The following CNNM2 variants were observed in gnomAD, a reference collection of about 807,000 sequenced individuals.
The protein encoded by CNNM2 is cyclin and CBS domain divalent metal cation transport mediator 2.
Under a neutral mutation model 66.9 loss-of-function variants are expected in CNNM2, and 12 were observed. That is an observed-to-expected ratio of 0.18 (90% CI 0.11 to 0.29). The LOEUF (loss-of-function observed/expected upper bound fraction) is 0.29. Among genes scored for constraint, CNNM2 ranks in the 10% least tolerant of loss-of-function variants. CNNM2 has a pLI of 1.00. For missense variants in CNNM2, 705 were observed against 1,167.7 expected, an observed-to-expected ratio of 0.60 and a Z score of 5.77; for synonymous variants, 557 against 501.8, an observed-to-expected ratio of 1.11 and a Z score of -1.47.
Position 102,919,134 on chromosome 10 carries a change from G to C in CNNM2, c.654G>C (p.Ser218=). ...TGGAVGGKGG[S]GVAGLPPPPW... is the part of the protein sequence containing the mutation. ...GCGCCGTCGGGGGCAAGGGTGGCTC[G>C]GGGGTGGCCGGGCTCCCGCCGCCCC... The change falls in exon 1 of 8, where the codon TCG becomes TCC. Residue 218 remains serine (S), a synonymous_variant. Transcript: ENST00000369878. The C allele has an allele frequency of 6.2e-7, 1 of 1,609,572 alleles. No homozygotes were observed. Among genetic ancestry groups the C allele is most frequent in the Non-Finnish European group, 8.5e-7 (1 of 1,179,164 alleles).
At chr10:102,926,503 C>A (rs562547864) in intron 1 of CNNM2, among the ~76,000 whole-genome samples, 1 of 152,182 alleles carries the variant, frequency 6.6e-6, no homozygotes, top group African/African-American at 2.4e-5. Context: ...ACCAAGAAAA[C>A]CCACAAAACA....
At position 103,089,976 on chromosome 10, in the gene CNNM2, C is replaced by T. The variant is rs2066275972; in HGVS notation, c.*12796C>T. The T allele has an allele frequency of 7.7e-7, 1 of 1,305,572 alleles. No homozygotes were observed. The highest frequency in any genetic ancestry group is 2.4e-5 in the East Asian group (1 of 42,088). The allele number at this position is 1,305,572 out of a possible 1,614,324, so 80.9% of individuals were successfully genotyped here. ...AAGTAGCTACTCCCCAAATCCTAAC[C>T]CCTCTCCTCTGTTAGGTGGCCATGC... On this transcript the variant is annotated 3_prime_UTR_variant, in exon 8 of 8. Transcript: ENST00000369878.
chr10:102,920,191 A>G (rs1845569336), intron 1 of CNNM2, 90 bp downstream of exon 1: 2 of 1,609,924 alleles, frequency 1.2e-6, no homozygotes, highest in South Asian at 1.1e-5. Flanking sequence ...CCAACCCCCC[A>G]AGGCGAGTTG....
intron 1 of CNNM2, among the ~76,000 whole-genome samples, chr10:102,931,636 C>T (rs1437204492): frequency 1.3e-5 from 2 of 151,842 alleles, no homozygotes; most frequent in Non-Finnish European, 2.9e-5. Flanking sequence ...GGATTCCAGG[C>T]GTGAGTCACA....
intron 5 of CNNM2, among the ~76,000 whole-genome samples, chr10:103,070,245 A>G (rs2065552960): frequency 6.6e-6 from 1 of 152,204 alleles, no homozygotes; most frequent in South Asian, 2.1e-4. Context: ...TGAGAGAGAC[A>G]GGGTAGCTCT....
chr10:102,939,979 A>AAACAAAC (rs1554889955), intron 1 of CNNM2, among the ~76,000 whole-genome samples: 30 of 150,928 alleles, frequency 2.0e-4, no homozygotes, highest in African/African-American at 6.6e-4. Flanking sequence ...AAAAACAAAC[A>AAACAAAC]AACAACAACA....
At chr10:103,048,189 A>G (rs2065158406) in intron 1 of CNNM2, among the ~76,000 whole-genome samples, 1 of 149,572 alleles carries the variant, frequency 6.7e-6, no homozygotes, top group African/African-American at 2.5e-5. Context: ...GGCTGGGATT[A>G]CAAATGTGAG....
intron 1 of CNNM2, among the ~76,000 whole-genome samples, chr10:102,940,838 C>T (rs1333676658): frequency 6.6e-6 from 1 of 152,124 alleles, no homozygotes; most frequent in Non-Finnish European, 1.5e-5. Context: ...TTTCCTGCCT[C>T]AGCCTCCCAG....
At chr10:102,942,084 G>C (rs1846454950) in intron 1 of CNNM2, among the ~76,000 whole-genome samples, 1 of 152,182 alleles carries the variant, frequency 6.6e-6, no homozygotes. Context: ...TCCACTTCCA[G>C]AATGTGATCT....
intron 1 of CNNM2, among the ~76,000 whole-genome samples, chr10:102,988,169 G>T (rs1375847939): frequency 1.3e-5 from 2 of 152,066 alleles, no homozygotes; most frequent in South Asian, 2.1e-4. Context: ...GGGAGTGGTG[G>T]TGGGCGCCTG....
At chr10:103,064,321 CAT>C (rs1319975349) in intron 4 of CNNM2, among the ~76,000 whole-genome samples, 1 of 152,212 alleles carries the variant, frequency 6.6e-6, no homozygotes, top group East Asian at 1.9e-4. Flanking sequence ...TCTGAAATGA[CAT>C]ATTTTCTAAA....
chr10:102,918,604 C>T lies in CNNM2; in HGVS notation c.124C>T (p.Gln42Ter). Residue 42 changes from glutamine (Q) to a stop codon, truncating the protein, a stop_gained, in exon 1 of 8, where the codon CAG becomes TAG. Transcript: ENST00000369878. LOFTEE classifies it high-confidence loss of function. The surrounding 1 kb of genome is among the most constrained non-coding windows in gnomAD (Gnocchi z 4.1). ...CAGCGCTCGCGGCCGGGGGATCCTG[C>T]AGGCGGCTGCGGGGCGGCTGCTGCC... ...SLSARGRGIL[Q>*]AAAGRLLPLL... The T allele has an allele frequency of 6.4e-7, 1 of 1,556,494 alleles. No homozygotes were observed.
Position 102,918,395 on chromosome 10 carries a change from C to A in CNNM2, c.-86C>A, listed in dbSNP as rs931396715. On this transcript the variant is annotated 5_prime_UTR_variant, in exon 1 of 8. Coordinates refer to ENST00000369878, the MANE Select transcript of CNNM2 (RefSeq NM_017649.5). This position sits in a 1 kb window ranked among gnomAD's most constrained non-coding sequence, Gnocchi z 4.1. ...AACTGCTGAGCACTGGCCGCGGACG[C>A]TCCGTTGCAGTCTCGCCCAGGGGCC... 5 of 1,534,688 alleles carry A rather than the reference C, an allele frequency of 3.3e-6. No individual in the cohort carries two copies. The highest frequency in any genetic ancestry group is 4.4e-6 in the Non-Finnish European group (5 of 1,148,078).
intron 1 of CNNM2, among the ~76,000 whole-genome samples, chr10:103,008,789 A>AC (rs1590387169): frequency 6.6e-6 from 1 of 151,468 alleles, no homozygotes; most frequent in Non-Finnish European, 1.5e-5. Flanking sequence ...AAAAAAAAAA[A>AC]AAAAAAAAAC....
At chr10:102,978,419 A>T (rs922573319) in intron 1 of CNNM2, among the ~76,000 whole-genome samples, 6 of 151,876 alleles carry the variant, frequency 4.0e-5, no homozygotes, top group African/African-American at 1.5e-4. Context: ...TCTTAACCTT[A>T]GGTGTAATCT....
chr10:103,080,347 AG>A lies in CNNM2; in HGVS notation c.*3169del, dbSNP rs1308358468. On this transcript the variant is annotated 3_prime_UTR_variant, in exon 8 of 8. Coordinates refer to ENST00000369878, the MANE Select transcript of CNNM2 (RefSeq NM_017649.5). ...GGAGGGCTTTTCTCCTGCTGTTTGG[AG>A]GTTCCGTCCCTTCACTGCTTGTCCC... The A allele has an allele frequency of 2.0e-5, 3 of 152,228 alleles. No homozygotes were observed. The highest frequency in any genetic ancestry group is 7.2e-5 in the African/African-American group (3 of 41,440). 9.4% of individuals were successfully genotyped at this position (152,228 alleles called of 1,614,324 possible). A position where few individuals can be genotyped will look rare whatever the true frequency, so the allele number is the denominator to read the frequency against.
At chr10:102,927,467 G>T (rs1564808537) in intron 1 of CNNM2, 17 of 1,602,494 alleles carry the variant, frequency 1.1e-5, no homozygotes, top group Non-Finnish European at 1.4e-5. Flanking sequence ...GGATAAAAAG[G>T]GGTGGCAGTT....
At chr10:103,031,143 G>T (rs1389475841) in intron 1 of CNNM2, among the ~76,000 whole-genome samples, 2 of 152,178 alleles carry the variant, frequency 1.3e-5, no homozygotes, top group Non-Finnish European at 2.9e-5. Flanking sequence ...AAGCTTAAGT[G>T]CTCAGATGTG....
At chr10:102,964,056 G>A (rs1417661075) in intron 1 of CNNM2, among the ~76,000 whole-genome samples, 1 of 152,028 alleles carries the variant, frequency 6.6e-6, no homozygotes, top group Non-Finnish European at 1.5e-5. Flanking sequence ...AATCCCTTAG[G>A]CAAGTAATGG....
Sources: allele counts gnomAD v4.1 joint callset (sites outside exome capture counted in the v4.1 genomes callset), GRCh38; gene constraint gnomAD v4.1.1; non-coding constraint Gnocchi (gnomAD v3.1); transcripts MANE v1.5; gene names NCBI Gene and HGNC (gene_info 2026-07-23, HGNC 2026-07-21).